Variants in ITGA1 observed in about 807,000 individuals in gnomAD.
ITGA1 encodes the protein integrin subunit alpha 1.
ITGA1 carries 85 observed loss-of-function variants against 145.9 expected under a neutral mutation model. That is an observed-to-expected ratio of 0.58 (90% CI 0.49 to 0.70). The LOEUF is 0.70. ITGA1 is among the 30% of genes least tolerant of loss of function. The probability of loss-of-function intolerance (pLI) is 0.00; values close to 1 mark genes in which losing one functional copy is unlikely to be tolerated. For missense variants in ITGA1, 1,351 were observed against 1,418.7 expected (o/e 0.95, Z 0.77); for synonymous variants, 520 against 495.3 (o/e 1.05, Z -0.66).
intron 7 of ITGA1, among the ~76,000 whole-genome samples, chr5:52,885,918 A>G (rs1161740051): frequency 6.6e-6 from 1 of 152,218 alleles, no homozygotes; most frequent in Non-Finnish European, 1.5e-5. Context: ...TTGATTATAT[A>G]GGAACATACG....
intron 15 of ITGA1, among the ~76,000 whole-genome samples, chr5:52,916,086 T>C (rs1750642713): frequency 1.3e-5 from 2 of 152,290 alleles, no homozygotes; most frequent in Admixed American, 6.5e-5. Context: ...AATCCCCAAA[T>C]TGGCCCAGTT....
chr5:52,905,854 C>T lies in ITGA1; in HGVS notation c.1401C>T (p.Ile467=). Residue 467 remains isoleucine (I), a synonymous_variant, in exon 12 of 29, where the codon ATC becomes ATT. Transcript: ENST00000282588. ...PRYNHTGQVI[I]YRMEDGNIKI... ...ACAATCATACAGGCCAGGTCATTATCTACAGGATGGAAGATGGAAACATCA... is the reference window on the plus strand; with the variant it reads ...ACAATCATACAGGCCAGGTCATTATTTACAGGATGGAAGATGGAAACATCA... 6.2e-7 allele frequency: 1 copy of T among 1,613,630 alleles called. No individual in the cohort carries two copies.
intron 1 of ITGA1, among the ~76,000 whole-genome samples, chr5:52,826,446 A>T (rs1748964047): frequency 6.6e-6 from 1 of 152,270 alleles, no homozygotes; most frequent in East Asian, 1.9e-4. Context: ...GCAGCAAGTT[A>T]TCCAGAAGAT....
chr5:52,900,644 T>C (rs1246883430), intron 11 of ITGA1, among the ~76,000 whole-genome samples: 2 of 152,242 alleles, frequency 1.3e-5, no homozygotes, highest in Non-Finnish European at 2.9e-5. Context: ...GAAGCAGTTA[T>C]GGTACAAGGT....
chr5:52,865,580 G>T, intron 5 of ITGA1, 110 bp from the exon 6 acceptor site: 3 of 850,240 alleles, frequency 3.5e-6, no homozygotes, highest in South Asian at 6.5e-5. Flanking sequence ...GTCTACTTTG[G>T]AGAACATCAG....
At chr5:52,891,453 G>T (rs1276919973) in intron 8 of ITGA1, among the ~76,000 whole-genome samples, 1 of 144,492 alleles carries the variant, frequency 6.9e-6, no homozygotes. Context: ...TTCATTTTTT[G>T]TTATTGTTAT....
chr5:52,871,771 A>G (rs1749780303), intron 6 of ITGA1, among the ~76,000 whole-genome samples: 1 of 152,192 alleles, frequency 6.6e-6, no homozygotes, highest in South Asian at 2.1e-4. Context: ...TGTGTGGCCC[A>G]ATTAAGACTT....
intron 1 of ITGA1, chr5:52,801,836 A>AT (rs1388319860): frequency 1.3e-6 from 2 of 1,583,174 alleles, no homozygotes; most frequent in African/African-American, 2.7e-5. Flanking sequence ...TCTGAAGAGG[A>AT]TTAATGATTG....
chr5:52,839,883 G>A (rs1431560154), intron 1 of ITGA1, among the ~76,000 whole-genome samples: 4 of 126,372 alleles, frequency 3.2e-5, no homozygotes, highest in Admixed American at 1.6e-4. Context: ...TAGTAACTGT[G>A]TCTCCTGTTT....
rs530258857 is a variant in ITGA1, at chr5:52,928,892, G to C, written c.2695-733G>C. Among the ~76,000 whole-genome samples, 5 of 152,274 alleles carry C rather than the reference G, an allele frequency of 3.3e-5. No individual in the cohort carries two copies. In the East Asian group the frequency reaches 9.7e-4, roughly 29 times the overall value. On this transcript the variant is annotated intron_variant, in intron 20 of 28. Coordinates refer to ENST00000282588, the MANE Select transcript of ITGA1 (RefSeq NM_181501.2). Reference sequence around the variant, plus strand: ...TTATCATGCTGTTTGAAACTGGCTTGATTGGGGATTTGGTGATTATCTCTC... The same window carrying C: ...TTATCATGCTGTTTGAAACTGGCTTCATTGGGGATTTGGTGATTATCTCTC...
chr5:52,872,879 C>T lies in ITGA1; in HGVS notation c.624+7062C>T, dbSNP rs554505503. Among the ~76,000 whole-genome samples, 3 of 152,258 alleles carry T rather than the reference C, an allele frequency of 2.0e-5. No homozygotes were observed. The East Asian group carries it at 5.8e-4, about 29-fold the overall frequency. Reference sequence around the variant, plus strand: ...GTTCTTGAGAAAAATGCCTTCCTCTCCTATGTTCCCATAGCAGCTGCAACC... The same window carrying T: ...GTTCTTGAGAAAAATGCCTTCCTCTTCTATGTTCCCATAGCAGCTGCAACC... On this transcript the variant is annotated intron_variant, in intron 6 of 28. Transcript: ENST00000282588.
chr5:52,891,068 T>C (rs1276569976), intron 8 of ITGA1, among the ~76,000 whole-genome samples: 1 of 152,186 alleles, frequency 6.6e-6, no homozygotes, highest in East Asian at 1.9e-4. Context: ...TTGTTCTTTT[T>C]AATGGATAAA....
chr5:52,795,887 A>C (rs1354195145), intron 1 of ITGA1, among the ~76,000 whole-genome samples: 2 of 151,946 alleles, frequency 1.3e-5, no homozygotes, highest in African/African-American at 4.8e-5. Context: ...ACTTATTTCA[A>C]GTTGGTAGAA....
intron 1 of ITGA1, among the ~76,000 whole-genome samples, chr5:52,805,483 T>C (rs1266434827): frequency 6.6e-6 from 1 of 152,040 alleles, no homozygotes; most frequent in Non-Finnish European, 1.5e-5. Flanking sequence ...TATTAAGAGA[T>C]GGGATCAAAA....
At chr5:52,855,594 A>G (rs1749500841) in intron 2 of ITGA1, among the ~76,000 whole-genome samples, 1 of 152,202 alleles carries the variant, frequency 6.6e-6, no homozygotes, top group South Asian at 2.1e-4. Context: ...AACAAAAATT[A>G]AATAATGAAG....
In ITGA1 at chr5:52,925,323, G is replaced by C. The variant is rs1171636362; in HGVS notation, c.2449G>C (p.Asp817His). The change falls in exon 19 of 29, where the codon GAC becomes CAC. Residue 817 changes from aspartate (D) to histidine (H), a missense_variant. Transcript: ENST00000282588. ...DCGNKEKCIS[D>H]LSLHVATTEK... ...TGGAAATAAGGAAAAATGTATCTCA[G>C]ACCTCAGCCTGCATGTCGCCACCAC... The C allele has an allele frequency of 6.2e-7, 1 of 1,614,052 alleles. No individual in the cohort carries two copies. Among genetic ancestry groups the C allele is most frequent in the South Asian group, 1.1e-5 (1 of 91,084 alleles).
chr5:52,800,672 A>G (rs773698128), intron 1 of ITGA1: 1 of 1,614,186 alleles, frequency 6.2e-7, no homozygotes, highest in Admixed American at 1.7e-5. Context: ...GAGAATGAGT[A>G]TGTCAAGATG....
At chr5:52,934,845 A>G (rs1421889134) in intron 23 of ITGA1, among the ~76,000 whole-genome samples, 1 of 151,946 alleles carries the variant, frequency 6.6e-6, no homozygotes, top group Admixed American at 6.6e-5. Flanking sequence ...TATACTCCCA[A>G]GATTAATTTC....
chr5:52,893,039 C>T (rs1750174578), intron 8 of ITGA1, among the ~76,000 whole-genome samples: 1 of 151,960 alleles, frequency 6.6e-6, no homozygotes, highest in Admixed American at 6.6e-5. Flanking sequence ...AGAAAACCTG[C>T]TTGGACATCT....
Sources: allele counts gnomAD v4.1 joint callset (sites outside exome capture counted in the v4.1 genomes callset), GRCh38; gene constraint gnomAD v4.1.1; transcripts MANE v1.5; gene names NCBI Gene and HGNC (gene_info 2026-07-23, HGNC 2026-07-21).